The following ELOVL6 variants were observed in gnomAD, a reference collection of about 807,000 sequenced individuals.
ELOVL6 encodes the protein very long chain fatty acid elongase 6.
In ELOVL6, 8 loss-of-function variants were observed where a neutral mutation model predicts 31.7. The ratio of observed to expected loss-of-function variants is 0.25; its 90% CI spans 0.15 to 0.45. ELOVL6 has a LOEUF of 0.45. ELOVL6 is among the 20% of genes least tolerant of loss of function. ELOVL6 has a pLI of 1.00. For missense variants in ELOVL6, 126 were observed against 326.4 expected, an observed-to-expected ratio of 0.39 and a Z score of 4.73; for synonymous variants, 101 against 117.7, an observed-to-expected ratio of 0.86 and a Z score of 0.92.
intron 1 of ELOVL6, among the ~76,000 whole-genome samples, chr4:110,195,355 G>A (rs1394841120): frequency 6.6e-6 from 1 of 151,838 alleles, no homozygotes; most frequent in African/African-American, 2.4e-5. Context: ...CCTGTCGTCA[G>A]GTAATCCACC....
At chr4:110,068,359 A>C (rs1755366504) in intron 2 of ELOVL6, among the ~76,000 whole-genome samples, 2 of 152,202 alleles carry the variant, frequency 1.3e-5, no homozygotes, top group Admixed American at 1.3e-4. Flanking sequence ...ACTTCATGGA[A>C]GAAACAGTAA....
chr4:110,190,251 CTTTT>C (rs553221782), intron 1 of ELOVL6, among the ~76,000 whole-genome samples: 1 of 151,148 alleles, frequency 6.6e-6, no homozygotes, highest in African/African-American at 2.4e-5. Flanking sequence ...TTCTCCTGTA[CTTTT>C]TTTTTGTACA....
intron 2 of ELOVL6, among the ~76,000 whole-genome samples, chr4:110,090,629 G>C (rs1217626842): frequency 1.4e-5 from 1 of 72,808 alleles, no homozygotes; most frequent in Non-Finnish European, 2.5e-5. Context: ...TTCATGAGAC[G>C]GAGTCTCGCT....
chr4:110,196,805 C>G (rs556573294), intron 1 of ELOVL6, among the ~76,000 whole-genome samples: 9 of 152,172 alleles, frequency 5.9e-5, no homozygotes, highest in Middle Eastern at 3.4e-3. Context: ...GAGGCGGGCT[C>G]CGCCCGGCAG....
intron 1 of ELOVL6, among the ~76,000 whole-genome samples, chr4:110,140,209 T>C (rs1757916226): frequency 1.3e-5 from 2 of 152,220 alleles, no homozygotes; most frequent in South Asian, 2.1e-4. Flanking sequence ...TCTTTTCTTT[T>C]ACTTTTCTTT....
intron 2 of ELOVL6, among the ~76,000 whole-genome samples, chr4:110,082,528 G>C (rs1755893970): frequency 6.6e-6 from 1 of 152,002 alleles, no homozygotes; most frequent in Non-Finnish European, 1.5e-5. Context: ...CTCACTCATA[G>C]GTGGGAATTG....
intron 1 of ELOVL6, among the ~76,000 whole-genome samples, chr4:110,134,814 G>A (rs1233230837): frequency 1.3e-5 from 2 of 152,030 alleles, no homozygotes; most frequent in Non-Finnish European, 2.9e-5. Flanking sequence ...TTTAAAATTA[G>A]CTGGGCTGGT....
chr4:110,060,707 C>A (rs916636180), intron 2 of ELOVL6, among the ~76,000 whole-genome samples: 10 of 152,182 alleles, frequency 6.6e-5, no homozygotes, highest in African/African-American at 2.4e-4. Context: ...GAACCATGCC[C>A]GGGACTGAAA....
intron 1 of ELOVL6, among the ~76,000 whole-genome samples, chr4:110,152,148 A>G (rs1036026096): frequency 2.0e-5 from 3 of 152,186 alleles, no homozygotes; most frequent in Admixed American, 6.5e-5. Flanking sequence ...TGCCCCCCCA[A>G]AATATCTTTA....
At position 110,141,531 on chromosome 4, in the gene ELOVL6, C is replaced by T. The variant is rs546834499; in HGVS notation, c.90-35903G>A. ...ATCTAGGGACCAGGAGGGTGGAAGA[C>T]CTAAGGCAGCACTACAGATGATGGA... is the stretch of plus-strand genomic sequence containing the variant. On this transcript the variant is annotated intron_variant, in intron 1 of 3. Transcript: ENST00000302274. 2.6e-5 allele frequency among the ~76,000 whole-genome samples: 4 copies of T among 151,842 alleles called. No homozygotes were observed. The South Asian group carries it at 8.3e-4, about 32-fold the overall frequency.
intron 1 of ELOVL6, among the ~76,000 whole-genome samples, chr4:110,163,533 A>G (rs1218107652): frequency 1.3e-5 from 2 of 152,236 alleles, no homozygotes; most frequent in Non-Finnish European, 2.9e-5. Flanking sequence ...ACTGAAATTT[A>G]ACAGTTATGG....
chr4:110,156,110 C>T (rs1386110538), intron 1 of ELOVL6, among the ~76,000 whole-genome samples: 4 of 152,088 alleles, frequency 2.6e-5, no homozygotes, highest in African/African-American at 9.7e-5. Context: ...AAGGGGAAGA[C>T]AAGAAAACTG....
At chr4:110,079,347 T>A (rs1311072004) in intron 2 of ELOVL6, among the ~76,000 whole-genome samples, 4 of 152,018 alleles carry the variant, frequency 2.6e-5, no homozygotes, top group Non-Finnish European at 4.4e-5. Flanking sequence ...GAAGTAAAGC[T>A]CTCCTCAGCA....
At chr4:110,194,319 C>G (rs1759710961) in intron 1 of ELOVL6, among the ~76,000 whole-genome samples, 1 of 152,182 alleles carries the variant, frequency 6.6e-6, no homozygotes, top group Admixed American at 6.5e-5. Flanking sequence ...TATGAGCAGA[C>G]ATTTTTCTCT....
At chr4:110,176,104 T>C (rs1190420708) in intron 1 of ELOVL6, among the ~76,000 whole-genome samples, 1 of 151,970 alleles carries the variant, frequency 6.6e-6, no homozygotes, top group Non-Finnish European at 1.5e-5. Context: ...AGTAATTTAC[T>C]CAATAGTTTA....
intron 1 of ELOVL6, among the ~76,000 whole-genome samples, chr4:110,129,163 T>C (rs1430885781): frequency 6.6e-6 from 1 of 152,214 alleles, no homozygotes; most frequent in East Asian, 1.9e-4. Context: ...AGCTTTCCTA[T>C]TTAAGAAAAA....
chr4:110,080,675 C>T (rs957009686), intron 2 of ELOVL6, among the ~76,000 whole-genome samples: 5 of 152,148 alleles, frequency 3.3e-5, no homozygotes, highest in Non-Finnish European at 5.9e-5. Context: ...CCTTTGAAAA[C>T]TGGCACAAGA....
At chr4:110,097,116 G>T (rs951616637) in intron 2 of ELOVL6, among the ~76,000 whole-genome samples, 3 of 151,948 alleles carry the variant, frequency 2.0e-5, no homozygotes, top group African/African-American at 7.3e-5. Context: ...GACCAGCCTG[G>T]CCAAGATGGC....
chr4:110,190,083 T>C (rs1759569388), intron 1 of ELOVL6, among the ~76,000 whole-genome samples: 1 of 152,026 alleles, frequency 6.6e-6, no homozygotes, highest in African/African-American at 2.4e-5. Context: ...GGAACTCTTC[T>C]ATAAAAGTTT....
Sources: allele counts gnomAD v4.1 joint callset (sites outside exome capture counted in the v4.1 genomes callset), GRCh38; gene constraint gnomAD v4.1.1; transcripts MANE v1.5; gene names NCBI Gene and HGNC (gene_info 2026-07-23, HGNC 2026-07-21).